The following CDH7 variants were observed in gnomAD, a reference collection of about 807,000 sequenced individuals.
CDH7 encodes cadherin-7.
In CDH7, 25 loss-of-function variants were observed where a neutral mutation model predicts 71.8. The observed-to-expected ratio is 0.35, with a 90% CI of 0.25 to 0.49. The LOEUF (loss-of-function observed/expected upper bound fraction) is 0.49, where lower values mean the gene tolerates loss of function less well. CDH7 is among the 20% of genes least tolerant of loss of function. The pLI, the probability that CDH7 is intolerant of heterozygous loss-of-function variation, is 0.99. For missense variants in CDH7, 862 were observed against 974.6 expected, an observed-to-expected ratio of 0.88 and a Z score of 1.54; for synonymous variants, 381 against 363.8, an observed-to-expected ratio of 1.05 and a Z score of -0.54.
Position 65,762,752 on chromosome 18 carries a change from C to G in CDH7, c.-91C>G. 9.8e-7 allele frequency: 1 copy of G among 1,023,308 alleles called. No individual in the cohort carries two copies. The highest frequency in any genetic ancestry group is 1.4e-6 in the Non-Finnish European group (1 of 705,502). 63.4% of individuals were successfully genotyped at this position (1,023,308 alleles called of 1,614,324 possible). ...TCTGGACTCCCAGCTGACACCCTGC[C>G]GGAGGCAAGAGCTACTAAGCCAACT... On this transcript the variant is annotated 5_prime_UTR_variant, in exon 2 of 12. Coordinates refer to ENST00000397968, the MANE Select transcript of CDH7 (RefSeq NM_004361.5).
intron 8 of CDH7, among the ~76,000 whole-genome samples, chr18:65,858,702 G>C (rs747846012): frequency 2.0e-5 from 3 of 151,388 alleles, no homozygotes; most frequent in Non-Finnish European, 4.4e-5. Context: ...ACACATATAC[G>C]TATATACATA....
chr18:65,880,771 C>G lies in CDH7; in HGVS notation c.2235C>G (p.Leu745=). ...FEGNGSVAES[L]SSLDSISSNS... is the part of the protein sequence containing the mutation. ...GAAATGGCTCAGTTGCTGAATCACT[C>G]AGCTCTTTAGATTCCATCAGCTCAA... is the stretch of plus-strand genomic sequence containing the variant. Residue 745 remains leucine, a synonymous_variant, in exon 12 of 12, where the codon CTC becomes CTG. Coordinates refer to ENST00000397968, the MANE Select transcript of CDH7 (RefSeq NM_004361.5). 6.2e-7 allele frequency: 1 copy of G among 1,614,146 alleles called. No homozygotes were observed. The highest frequency in any genetic ancestry group is 1.1e-5 in the South Asian group (1 of 91,086).
chr18:65,863,544 G>A (rs901371006), intron 11 of CDH7: 16 of 152,784 alleles, frequency 1.0e-4, no homozygotes, highest in African/African-American at 3.9e-4. Flanking sequence ...CTCTACAGAG[G>A]AGATACACTA....
chr18:65,871,565 T>C (rs375795491), intron 11 of CDH7, among the ~76,000 whole-genome samples: 10 of 151,972 alleles, frequency 6.6e-5, no homozygotes, highest in African/African-American at 2.4e-4. Flanking sequence ...TGATGGAGAG[T>C]TGAAGCAAAG....
intron 2 of CDH7, among the ~76,000 whole-genome samples, chr18:65,793,441 A>G (rs1568188305): frequency 6.6e-6 from 1 of 151,214 alleles, no homozygotes; most frequent in African/African-American, 2.4e-5. Context: ...AAAGAGAGGG[A>G]GAGAGAGAAA....
chr18:65,787,205 A>C (rs1367782378), intron 2 of CDH7, among the ~76,000 whole-genome samples: 1 of 152,204 alleles, frequency 6.6e-6, no homozygotes, highest in Non-Finnish European at 1.5e-5. Context: ...ATGTAGAAAG[A>C]GCTTTTCTGA....
rs1430222973 is a variant in CDH7, at chr18:65,884,771, A to G, written c.*3877A>G. ...TTTAAACATGTTAAAGTTTTAAAGC[A>G]CTAGCTGTAAATATTAATCTTCAGA... is the stretch of plus-strand genomic sequence containing the variant. On this transcript the variant is annotated 3_prime_UTR_variant, in exon 12 of 12. Transcript: ENST00000397968. 6.6e-6 allele frequency: 1 copy of G among 152,232 alleles called. No individual in the cohort carries two copies. Among genetic ancestry groups the G allele is most frequent in the African/African-American group, 2.4e-5 (1 of 41,468 alleles). The allele number at this position is 152,232 out of a possible 1,614,324, so 9.4% of individuals were successfully genotyped here.
At chr18:65,805,393 T>C (rs1263488524) in intron 2 of CDH7, among the ~76,000 whole-genome samples, 1 of 152,124 alleles carries the variant, frequency 6.6e-6, no homozygotes, top group Non-Finnish European at 1.5e-5. Flanking sequence ...CACTGTGAGA[T>C]GTGGGAAAAC....
intron 2 of CDH7, among the ~76,000 whole-genome samples, chr18:65,778,367 G>T (rs1910037762): frequency 1.3e-5 from 2 of 151,024 alleles, no homozygotes; most frequent in Admixed American, 6.6e-5. Flanking sequence ...AACATGATGG[G>T]CTAAATTACA....
At chr18:65,788,719 A>G (rs1451459862) in intron 2 of CDH7, among the ~76,000 whole-genome samples, 2 of 152,340 alleles carry the variant, frequency 1.3e-5, no homozygotes, top group African/African-American at 2.4e-5. Flanking sequence ...AGAATAGTGA[A>G]TGCTATTTTT....
chr18:65,842,889 A>G (rs936172364), intron 6 of CDH7, among the ~76,000 whole-genome samples: 1 of 147,742 alleles, frequency 6.8e-6, no homozygotes, highest in East Asian at 2.0e-4. Context: ...TTTGTTTTAC[A>G]TCATTAAATG....
intron 6 of CDH7, among the ~76,000 whole-genome samples, chr18:65,841,913 T>C (rs190891468): frequency 1.4e-4 from 22 of 152,274 alleles, no homozygotes; most frequent in African/African-American, 4.8e-4. Context: ...GTTAGCCTCA[T>C]AAAAATATTA....
At position 65,880,547 on chromosome 18, in the gene CDH7, C is replaced by A; in HGVS notation, c.2011C>A (p.Leu671Met). Residue 671 changes from leucine (L) to methionine (M), a missense_variant, in exon 12 of 12, where the codon CTG becomes ATG. Coordinates refer to ENST00000397968, the MANE Select transcript of CDH7 (RefSeq NM_004361.5). ...EDTEAFDMAA[L>M]RNLNVIRDTK... ...CACGGAAGCGTTTGACATGGCTGCA[C>A]TGAGAAACCTCAACGTCATCCGAGA... 6.2e-7 allele frequency: 1 copy of A among 1,613,820 alleles called. No homozygotes were observed. The highest frequency in any genetic ancestry group is 8.5e-7 in the Non-Finnish European group (1 of 1,179,946).
In CDH7 at chr18:65,882,798, A is replaced by G. The variant is rs978757216; in HGVS notation, c.*1904A>G. The G allele has an allele frequency of 2.0e-5, 3 of 152,106 alleles. No homozygotes were observed. The highest frequency in any genetic ancestry group is 4.4e-5 in the Non-Finnish European group (3 of 67,978). 9.4% of individuals were successfully genotyped at this position (152,106 alleles called of 1,614,324 possible). A position where few individuals can be genotyped will look rare whatever the true frequency, so the allele number is the denominator to read the frequency against. ...ATGCAAGTTTTTCAAACTAAAAAAT[A>G]ACAAACAAACAAAAAAACACGCGTA... On this transcript the variant is annotated 3_prime_UTR_variant, in exon 12 of 12. Transcript: ENST00000397968.
intron 2 of CDH7, chr18:65,803,057 A>C (rs889498635): frequency 6.6e-6 from 1 of 152,196 alleles, no homozygotes; most frequent in African/African-American, 2.4e-5. Context: ...ATTACTTCCA[A>C]ATGCATCTTT....
Position 65,803,471 on chromosome 18 carries a change from C to T in CDH7, c.211-6233C>T, listed in dbSNP as rs1417190257. On this transcript the variant is annotated intron_variant, in intron 2 of 11. Transcript: ENST00000397968. ...TAAAACAATTAATATCTTCTTAAAC[C>T]ACACGTCTTCATTAGAGATGCTTTA... The T allele has an allele frequency of 5.9e-5, 9 of 152,066 alleles. No individual in the cohort carries two copies. The East Asian group carries it at 1.5e-3, about 26-fold the overall frequency. The allele number at this position is 152,066 out of a possible 1,614,324, so 9.4% of individuals were successfully genotyped here. A position where few individuals can be genotyped will look rare whatever the true frequency, so the allele number is the denominator to read the frequency against.
chr18:65,880,921 T>G lies in CDH7; in HGVS notation c.*27T>G. ...CTTGGAACCTTAATTCGAAATGTACTGAAGAAAAAGTAACAGCAAAAAATA... is the reference window on the plus strand; with the variant it reads ...CTTGGAACCTTAATTCGAAATGTACGGAAGAAAAAGTAACAGCAAAAAATA... On this transcript the variant is annotated 3_prime_UTR_variant, in exon 12 of 12. Coordinates refer to ENST00000397968, the MANE Select transcript of CDH7 (RefSeq NM_004361.5). 6.5e-7 allele frequency: 1 copy of G among 1,543,818 alleles called. No homozygotes were observed. Among genetic ancestry groups the G allele is most frequent in the Non-Finnish European group, 8.7e-7 (1 of 1,148,524 alleles).
At chr18:65,839,810 A>AG (rs2143979986) in intron 6 of CDH7, among the ~76,000 whole-genome samples, 2 of 152,278 alleles carry the variant, frequency 1.3e-5, no homozygotes, top group South Asian at 4.1e-4. Context: ...GAAGAGAAAA[A>AG]GTGTGCTGGA....
At chr18:65,863,835 G>A (rs1913666785) in intron 11 of CDH7, 1 of 152,054 alleles carries the variant, frequency 6.6e-6, no homozygotes, top group Admixed American at 6.6e-5. Flanking sequence ...TTAAAAATTG[G>A]GAGATGTCCA....
Sources: gnomAD v4.1 joint callset for allele counts (sites outside exome capture counted in the v4.1 genomes callset) on GRCh38, gnomAD v4.1.1 for gene constraint, MANE v1.5 for transcripts, NCBI Gene and HGNC (gene_info 2026-07-23, HGNC 2026-07-21) for gene names.